The following TUSC3 variants were observed in gnomAD, a reference collection of about 807,000 sequenced individuals.
TUSC3 encodes tumor suppressor candidate 3, also known as dolichyl-diphosphooligosaccharide--protein glycosyltransferase subunit TUSC3.
TUSC3 carries 45 observed loss-of-function variants against 44.8 expected under a neutral mutation model. The observed-to-expected ratio is 1.00, with a 90% CI of 0.79 to 1.29. The LOEUF (loss-of-function observed/expected upper bound fraction) is 1.29. TUSC3 is among the 50% of genes most tolerant of loss of function. The pLI is 0.00. For missense variants in TUSC3, 519 were observed against 437.9 expected, an observed-to-expected ratio of 1.19 and a Z score of -1.65; for synonymous variants, 212 against 152.9, an observed-to-expected ratio of 1.39 and a Z score of -2.85.
At chr8:15,773,304 T>C in the TUSC3 span, among the ~76,000 whole-genome samples, 2 of 152,186 alleles carry the variant, frequency 1.3e-5, no homozygotes, top group South Asian at 2.1e-4. Flanking sequence ...CAAAATCCAA[T>C]TGTATTTCTA....
At chr8:15,808,758 C>A in the TUSC3 span, among the ~76,000 whole-genome samples, 1 of 152,094 alleles carries the variant, frequency 6.6e-6, no homozygotes, top group Admixed American at 6.6e-5. Context: ...CTTTGGCCTG[C>A]TGCCACCCTA....
chr8:15,848,126 T>C, the TUSC3 span, among the ~76,000 whole-genome samples: 1 of 151,726 alleles, frequency 6.6e-6, no homozygotes, highest in South Asian at 2.1e-4. Flanking sequence ...TCCCCCTCCT[T>C]CCCCCCGAGT....
In TUSC3 at chr8:15,623,086, T is replaced by G; in HGVS notation, c.145T>G (p.Leu49Val). ...GGGQKKKENL[L>V]AEKVEQLMEW... is the part of the protein sequence containing the mutation. ...TTTCTGTGTTTAATTGCAGAATCTT[T>G]TAGCTGAAAAAGTAGAGCAGCTGAT... is the stretch of plus-strand genomic sequence containing the variant. The change falls in exon 2 of 11, where the codon TTA becomes GTA. Residue 49 changes from leucine to valine, a missense_variant. Leu to Val is a conservative substitution (Grantham distance 32). Coordinates refer to ENST00000503731, the MANE Select transcript of TUSC3 (RefSeq NM_006765.4). The G allele has an allele frequency of 6.2e-7, 1 of 1,613,776 alleles. No individual in the cohort carries two copies. Among genetic ancestry groups the G allele is most frequent in the South Asian group, 1.1e-5 (1 of 91,024 alleles).
At chr8:15,671,494 A>C (rs1014468921) in intron 5 of TUSC3, among the ~76,000 whole-genome samples, 1 of 151,994 alleles carries the variant, frequency 6.6e-6, no homozygotes, top group Admixed American at 6.6e-5. Flanking sequence ...CATGTTACTC[A>C]GTGTTTTGTT....
intron 1 of TUSC3, among the ~76,000 whole-genome samples, chr8:15,459,575 A>C (rs1467978451): frequency 6.6e-6 from 1 of 152,104 alleles, no homozygotes; most frequent in Non-Finnish European, 1.5e-5. Context: ...TCGCCCAAGC[A>C]GTATACACTG....
intron 1 of TUSC3, among the ~76,000 whole-genome samples, chr8:15,606,179 C>G (rs1304675456): frequency 6.6e-6 from 1 of 152,048 alleles, no homozygotes; most frequent in Non-Finnish European, 1.5e-5. Context: ...AGATTGAGAT[C>G]TGTACCTGTG....
chr8:15,628,908 A>G (rs1467964601), intron 2 of TUSC3, among the ~76,000 whole-genome samples: 1 of 152,176 alleles, frequency 6.6e-6, no homozygotes, highest in Non-Finnish European at 1.5e-5. Flanking sequence ...AATATGGGAA[A>G]TATGTAGCTA....
chr8:15,851,313 C>T, the TUSC3 span, among the ~76,000 whole-genome samples: 2 of 152,102 alleles, frequency 1.3e-5, no homozygotes, highest in South Asian at 2.1e-4. Flanking sequence ...AGACAAAAGT[C>T]CCTGGTCTTA....
rs558398149 is a variant in TUSC3 at position 15,635,500 on chromosome 8, A to G, written c.308+12251A>G. 2.6e-4 allele frequency among the ~76,000 whole-genome samples: 40 copies of G among 152,162 alleles called. 1 individual carries two copies. Among genetic ancestry groups the G allele is most frequent in the Non-Finnish European group, 1.3e-4 (9 of 68,030 alleles). On this transcript the variant is annotated intron_variant, in intron 2 of 10. Coordinates refer to ENST00000503731, the MANE Select transcript of TUSC3 (RefSeq NM_006765.4). ...AAAGGCACAGTATTATTAGACTGTA[A>G]TATAGTCCAGAGAGCCAGAAATAAT...
chr8:15,838,273 C>A, the TUSC3 span, among the ~76,000 whole-genome samples: 1 of 152,158 alleles, frequency 6.6e-6, no homozygotes, highest in East Asian at 1.9e-4. Context: ...GGGATATTCA[C>A]CCAATGTGAA....
intron 1 of TUSC3, among the ~76,000 whole-genome samples, chr8:15,573,168 T>TCTTTCCCTC (rs1563296867): frequency 3.2e-4 from 27 of 85,552 alleles, no homozygotes; most frequent in African/African-American, 1.3e-3. Context: ...TTCTCTCTCT[T>TCTTTCCCTC]TCTCTCTCTC....
intron 1 of TUSC3, among the ~76,000 whole-genome samples, chr8:15,582,861 C>T (rs1421620613): frequency 6.6e-6 from 1 of 152,198 alleles, no homozygotes; most frequent in Non-Finnish European, 1.5e-5. Context: ...TGATATGTAA[C>T]ACTTCTCCTT....
At chr8:15,424,364 T>C (rs1799778987) in intron 1 of TUSC3, among the ~76,000 whole-genome samples, 2 of 152,054 alleles carry the variant, frequency 1.3e-5, no homozygotes, top group South Asian at 4.1e-4. Context: ...CCTCCCAGTA[T>C]TTATCCATCT....
downstream of TUSC3, among the ~76,000 whole-genome samples, chr8:15,769,246 G>A (rs544583590): frequency 7.9e-5 from 12 of 152,012 alleles, no homozygotes; most frequent in Non-Finnish European, 8.8e-5. Context: ...CCAATGGAAC[G>A]GAACAGAACA....
the TUSC3 span, among the ~76,000 whole-genome samples, chr8:15,798,496 TAGAGAAAGAGTGAAGGATAGTAC>T: frequency 6.6e-6 from 1 of 151,926 alleles, no homozygotes; most frequent in Non-Finnish European, 1.5e-5. Flanking sequence ...GAGATCGGGG[TAGAGAAAGAGTGAAGGATAGTAC>T]AGAGAAAGAG....
At chr8:15,546,049 G>C (rs1377617792) in intron 1 of TUSC3, among the ~76,000 whole-genome samples, 2 of 151,836 alleles carry the variant, frequency 1.3e-5, no homozygotes, top group Non-Finnish European at 2.9e-5. Context: ...GTGTTCCCCA[G>C]CTGGAAAACA....
chr8:15,508,233 C>G (rs1168284512), intron 2 of TUSC3, among the ~76,000 whole-genome samples: 7 of 152,048 alleles, frequency 4.6e-5, no homozygotes, highest in Admixed American at 3.3e-4. Context: ...GGGTGGGACT[C>G]TGTCTAACAA....
intron 8 of TUSC3, among the ~76,000 whole-genome samples, chr8:15,746,173 AT>A (rs1208233462): frequency 1.3e-5 from 2 of 152,056 alleles, no homozygotes; most frequent in Non-Finnish European, 2.9e-5. Context: ...CTTAAGGTAA[AT>A]AAGAAATTTG....
chr8:15,647,392 T>G (rs1192729151), intron 2 of TUSC3, among the ~76,000 whole-genome samples: 1 of 152,164 alleles, frequency 6.6e-6, no homozygotes, highest in Non-Finnish European at 1.5e-5. Flanking sequence ...TTATGTTCAT[T>G]TTTTTGTTTT....
Sources: gnomAD v4.1 joint callset for allele counts (sites outside exome capture counted in the v4.1 genomes callset) on GRCh38, gnomAD v4.1.1 for gene constraint, MANE v1.5 for transcripts, NCBI Gene and HGNC (gene_info 2026-07-23, HGNC 2026-07-21) for gene names.